MRPS18B: variants seen among roughly 807,000 people sequenced by gnomAD.
MRPS18B encodes the protein small ribosomal subunit protein mS40.
A neutral mutation model predicts 28.4 loss-of-function variants in MRPS18B; 27 were observed. That is an observed-to-expected ratio of 0.95 (90% CI 0.70 to 1.31). The LOEUF (loss-of-function observed/expected upper bound fraction) is 1.31, where lower values mean the gene tolerates loss of function less well. Ranked by LOEUF, MRPS18B falls within the 40% of genes most tolerant of loss-of-function variation. The probability of loss-of-function intolerance (pLI) is 0.00; values close to 1 mark genes in which losing one functional copy is unlikely to be tolerated. For missense variants in MRPS18B, 343 were observed against 335.9 expected (o/e 1.02, Z -0.17); for synonymous variants, 118 against 123.7 (o/e 0.95, Z 0.30).
At position 30,625,499 on chromosome 6, in the gene MRPS18B, TAGG is replaced by T; in HGVS notation, c.482-2_482del. 1 of 1,547,434 alleles carries T rather than the reference TAGG, an allele frequency of 6.5e-7. No individual in the cohort carries two copies. Among genetic ancestry groups the T allele is most frequent in the Admixed American group, 2.0e-5 (1 of 51,276 alleles). ...AAATTTCTTTTCTTTTTTAATCCCT[TAGG>T]TCTCCTCATTTACCACATCCCCCAG... On this transcript the variant is annotated splice_acceptor_variant and coding_sequence_variant, in exon 7 of 7. Transcript: ENST00000259873. LOFTEE classifies it high-confidence loss of function.
In MRPS18B at chr6:30,617,874, G is replaced by C. The variant is rs1322953867; in HGVS notation, c.9G>C (p.Ala3=). The change falls in exon 1 of 7, where the codon GCG becomes GCC. Residue 3 remains alanine (A), a synonymous_variant. Coordinates refer to ENST00000259873, the MANE Select transcript of MRPS18B (RefSeq NM_014046.4). MA[A]SVLNTVLRRL... ...CCTGGGCGTACGTCAAGATGGCGGCGTCTGTATTAAACACCGTGCTGAGGC... is the reference window on the plus strand; with the variant it reads ...CCTGGGCGTACGTCAAGATGGCGGCCTCTGTATTAAACACCGTGCTGAGGC... The C allele has an allele frequency of 6.2e-7, 1 of 1,614,054 alleles. No individual in the cohort carries two copies. Among genetic ancestry groups the C allele is most frequent in the African/African-American group, 1.3e-5 (1 of 74,930 alleles).
At position 30,625,738 on chromosome 6, in the gene MRPS18B, C is replaced by G; in HGVS notation, c.718C>G (p.Pro240Ala). 1 of 1,613,028 alleles carries G rather than the reference C, an allele frequency of 6.2e-7. No individual in the cohort carries two copies. Among genetic ancestry groups the G allele is most frequent in the East Asian group, 2.2e-5 (1 of 44,886 alleles). The stretch of plus-strand genomic sequence containing the variant: ...ACCTGAGTCAATGCCCAAGATGCCC[C>G]CTAGAACACCAGCGGAAGCCTCCTC... ...PPPESMPKMPPRTPAEASSTG... is the reference protein window; with the variant it reads ...PPPESMPKMPARTPAEASSTG... Residue 240 changes from proline (P) to alanine (A), a missense_variant, in exon 7 of 7, where the codon CCT becomes GCT. Transcript: ENST00000259873.
intron 5 of MRPS18B, among the ~76,000 whole-genome samples, chr6:30,623,356 A>T (rs1254573070): frequency 6.6e-6 from 1 of 152,082 alleles, no homozygotes; most frequent in Admixed American, 6.5e-5. Flanking sequence ...AAGGAAAAAG[A>T]AAAAAACAAG....
At chr6:30,625,452 A>T in intron 6 of MRPS18B, 50 bp from the exon 7 acceptor site, 3 of 1,431,030 alleles carry the variant, frequency 2.1e-6, no homozygotes, top group Non-Finnish European at 1.9e-6. Context: ...CTTCATCTAA[A>T]CCACCCTCCT....
chr6:30,619,868 C>G, intron 3 of MRPS18B, 53 bp from the exon 4 acceptor site: 1 of 1,610,534 alleles, frequency 6.2e-7, no homozygotes, highest in Non-Finnish European at 8.5e-7. Context: ...AACAGCAGCA[C>G]TTTTTCTGAC....
chr6:30,618,227 CT>C (rs1430612233), intron 1 of MRPS18B, among the ~76,000 whole-genome samples: 1 of 152,054 alleles, frequency 6.6e-6, no homozygotes, highest in African/African-American at 2.4e-5. Context: ...GCATAACCAG[CT>C]TTTTAAAAAT....
rs1761549908 is a variant in MRPS18B at position 30,625,927 on chromosome 6, C to T, written c.*130C>T. On this transcript the variant is annotated 3_prime_UTR_variant, in exon 7 of 7. Coordinates refer to ENST00000259873, the MANE Select transcript of MRPS18B (RefSeq NM_014046.4). ...ACCAGCCTGGGCACCATGGTGAAACCTCGTCTTTACCAAAAAATACAAAAA... is the reference window on the plus strand; with the variant it reads ...ACCAGCCTGGGCACCATGGTGAAACTTCGTCTTTACCAAAAAATACAAAAA... 2 of 997,752 alleles carry T rather than the reference C, an allele frequency of 2.0e-6. No individual in the cohort carries two copies. The highest frequency in any genetic ancestry group is 2.9e-6 in the Non-Finnish European group (2 of 685,898). The allele number at this position is 997,752 out of a possible 1,614,324, so 61.8% of individuals were successfully genotyped here.
chr6:30,620,940 A>G (rs947136525), intron 4 of MRPS18B, among the ~76,000 whole-genome samples: 1 of 152,188 alleles, frequency 6.6e-6, no homozygotes, highest in African/African-American at 2.4e-5. Flanking sequence ...TTATTACCAA[A>G]TATATTGGCC....
intron 6 of MRPS18B, among the ~76,000 whole-genome samples, 156 bp downstream of exon 6, chr6:30,625,098 G>C (rs6918007): frequency 0.025 from 3,755 of 152,256 alleles, 121 homozygotes; most frequent in African/African-American, 0.074. Flanking sequence ...TCTCCTGAGT[G>C]TCTTACTTTA....
intron 5 of MRPS18B, among the ~76,000 whole-genome samples, chr6:30,623,936 C>T (rs181008865): frequency 2.2e-3 from 328 of 151,386 alleles, no homozygotes; most frequent in Non-Finnish European, 3.7e-3. Context: ...CCACCATGTC[C>T]GGCAAATAGA....
At chr6:30,623,040 C>A in intron 5 of MRPS18B, 142 bp downstream of exon 5, 1 of 808,350 alleles carries the variant, frequency 1.2e-6, no homozygotes, top group Non-Finnish European at 2.0e-6. Context: ...TCTTGGCTTG[C>A]TGGGGGCTAA....
intron 4 of MRPS18B, among the ~76,000 whole-genome samples, chr6:30,622,288 C>T (rs184565277): frequency 2.0e-5 from 3 of 151,608 alleles, no homozygotes; most frequent in Non-Finnish European, 2.9e-5. Context: ...GCAGCCCAGG[C>T]GCGGTGGCTC....
At chr6:30,623,981 G>A (rs930407011) in intron 5 of MRPS18B, among the ~76,000 whole-genome samples, 3 of 151,834 alleles carry the variant, frequency 2.0e-5, no homozygotes, top group African/African-American at 4.8e-5. Flanking sequence ...GGCTGGTCTC[G>A]AACTCCGGAT....
intron 4 of MRPS18B, 57 bp downstream of exon 4, chr6:30,620,046 G>C (rs1195343916): frequency 1.3e-6 from 2 of 1,543,034 alleles, no homozygotes; most frequent in African/African-American, 1.4e-5. Context: ...GGCTGGGCGC[G>C]GTGGCTCACG....
In MRPS18B at chr6:30,621,572, A is replaced by G. The variant is rs188088645; in HGVS notation, c.355-1260A>G. On this transcript the variant is annotated intron_variant, in intron 4 of 6. Coordinates refer to ENST00000259873, the MANE Select transcript of MRPS18B (RefSeq NM_014046.4). The stretch of plus-strand genomic sequence containing the variant: ...CAGAAAATGGGGGTATTTGACTGCA[A>G]TAAGAACCCTTCTAACACAGGTTAT... 4.3e-3 allele frequency among the ~76,000 whole-genome samples: 650 copies of G among 152,336 alleles called. 4 individuals carry two copies. The highest frequency in any genetic ancestry group is 0.015 in the African/African-American group (633 of 41,578).
chr6:30,618,939 C>T (rs1399625263), intron 1 of MRPS18B, among the ~76,000 whole-genome samples: 1 of 151,820 alleles, frequency 6.6e-6, no homozygotes, highest in Non-Finnish European at 1.5e-5. Context: ...TTTTTCTTTA[C>T]ACGAAATCTC....
chr6:30,621,125 G>T (rs190965400), intron 4 of MRPS18B, among the ~76,000 whole-genome samples: 1 of 152,236 alleles, frequency 6.6e-6, no homozygotes, highest in Non-Finnish European at 1.5e-5. Context: ...ATATTGGCTG[G>T]GTGCGGCGGC....
chr6:30,624,750 A>C (rs1761377629), intron 5 of MRPS18B, 133 bp from the exon 6 acceptor site: 1 of 864,196 alleles, frequency 1.2e-6, no homozygotes. Context: ...ACTGAGGTCC[A>C]TGGAGGGGTC....
chr6:30,624,753 G>C, intron 5 of MRPS18B, 130 bp from the exon 6 acceptor site: 1 of 883,470 alleles, frequency 1.1e-6, no homozygotes, highest in Admixed American at 2.5e-5. Flanking sequence ...GAGGTCCATG[G>C]AGGGGTCAGG....
Sources: allele counts gnomAD v4.1 joint callset (sites outside exome capture counted in the v4.1 genomes callset), GRCh38; gene constraint gnomAD v4.1.1; transcripts MANE v1.5; gene names NCBI Gene and HGNC (gene_info 2026-07-23, HGNC 2026-07-21).